RBFOX1: variants seen among roughly 807,000 people sequenced by gnomAD.
RBFOX1 encodes RNA binding fox-1 homolog 1.
A neutral mutation model predicts 57.7 loss-of-function variants in RBFOX1; 8 were observed. The observed-to-expected ratio is 0.14, with a 90% CI of 0.08 to 0.25. The LOEUF is 0.25. Among genes scored for constraint, RBFOX1 ranks in the 10% least tolerant of loss-of-function variants. The pLI, the probability that RBFOX1 is intolerant of heterozygous loss-of-function variation, is 1.00. For missense variants in RBFOX1, 611 were observed against 548.5 expected (o/e 1.11, Z -1.14); for synonymous variants, 326 against 222.4 (o/e 1.47, Z -4.15).
At chr16:7,537,370 G>T (rs1056780172) in intron 5 of RBFOX1, among the ~76,000 whole-genome samples, 2 of 152,188 alleles carry the variant, frequency 1.3e-5, no homozygotes, top group Admixed American at 1.3e-4. Context: ...TTAATTCTGA[G>T]AGTGACCATT....
intron 3 of RBFOX1, among the ~76,000 whole-genome samples, chr16:6,917,302 C>G (rs1348460914): frequency 6.6e-6 from 1 of 152,196 alleles, no homozygotes; most frequent in African/African-American, 2.4e-5. Context: ...AAACACTGAA[C>G]AGAGGATGTC....
intron 1 of RBFOX1, among the ~76,000 whole-genome samples, chr16:6,061,115 T>C (rs543279960): frequency 6.6e-6 from 1 of 152,290 alleles, no homozygotes; most frequent in East Asian, 1.9e-4. Context: ...TTTTCAGAAG[T>C]CACCCCTAGT....
chr16:7,264,871 T>C (rs564763192), intron 4 of RBFOX1, among the ~76,000 whole-genome samples: 10 of 152,324 alleles, frequency 6.6e-5, no homozygotes, highest in East Asian at 3.9e-4. Flanking sequence ...AATTGATACA[T>C]GACTATTTGA....
At chr16:6,138,592 C>G (rs2096686527) in intron 1 of RBFOX1, among the ~76,000 whole-genome samples, 1 of 152,102 alleles carries the variant, frequency 6.6e-6, no homozygotes, top group Non-Finnish European at 1.5e-5. Flanking sequence ...AATAGGAGCA[C>G]CATGGTGGCT....
intron 3 of RBFOX1, among the ~76,000 whole-genome samples, chr16:6,833,212 G>C (rs895116890): frequency 1.3e-5 from 2 of 151,202 alleles, no homozygotes; most frequent in African/African-American, 4.9e-5. Flanking sequence ...GTCACCCAGG[G>C]TGGAGTGCAG....
chr16:6,852,132 A>T (rs550370161), intron 3 of RBFOX1, among the ~76,000 whole-genome samples: 1 of 151,990 alleles, frequency 6.6e-6, no homozygotes, highest in Non-Finnish European at 1.5e-5. Flanking sequence ...TTATTATCTA[A>T]CAGTTTTGGT....
At chr16:6,773,585 TTGTGTG>T (rs113691022) in intron 3 of RBFOX1, among the ~76,000 whole-genome samples, 2 of 125,396 alleles carry the variant, frequency 1.6e-5, no homozygotes, top group Non-Finnish European at 3.2e-5. Flanking sequence ...TGGGGTGCAT[TTGTGTG>T]TGTGTGTGTG....
intron 4 of RBFOX1, among the ~76,000 whole-genome samples, chr16:7,224,127 T>TAAAA (rs1168449932): frequency 0.071 from 3,715 of 52,208 alleles, 661 homozygotes; most frequent in East Asian, 0.2. Context: ...TTCCTTTTTC[T>TAAAA]AAAAAAAAAA....
chr16:5,874,940 C>T (rs1161582070), intron 4 of RBFOX1, among the ~76,000 whole-genome samples: 2 of 151,930 alleles, frequency 1.3e-5, no homozygotes, highest in East Asian at 1.9e-4. Context: ...AGCAAGACCC[C>T]GTCCCCCATA....
intron 1 of RBFOX1, among the ~76,000 whole-genome samples, chr16:5,373,867 G>C (rs1426439075): frequency 2.6e-5 from 4 of 152,150 alleles, no homozygotes; most frequent in African/African-American, 9.7e-5. Flanking sequence ...GCCTCCCAAA[G>C]TGTTGGGATT....
intron 2 of RBFOX1, among the ~76,000 whole-genome samples, chr16:6,474,227 T>G (rs995063749): frequency 1.3e-5 from 2 of 152,310 alleles, no homozygotes; most frequent in South Asian, 2.1e-4. Flanking sequence ...ATTATCCAGA[T>G]TCTATTTCGA....
At chr16:6,965,158 C>G (rs2083842701) in intron 3 of RBFOX1, among the ~76,000 whole-genome samples, 1 of 152,048 alleles carries the variant, frequency 6.6e-6, no homozygotes, top group African/African-American at 2.4e-5. Flanking sequence ...AACTGTACTG[C>G]TGCAGATTGC....
intron 1 of RBFOX1, among the ~76,000 whole-genome samples, chr16:5,252,159 G>T (rs2062468852): frequency 6.6e-6 from 1 of 152,190 alleles, no homozygotes; most frequent in African/African-American, 2.4e-5. Flanking sequence ...AAGTGTGGAA[G>T]GGTGGGGACC....
At chr16:6,779,743 T>A (rs1360935630) in intron 3 of RBFOX1, among the ~76,000 whole-genome samples, 4 of 43,666 alleles carry the variant, frequency 9.2e-5, no homozygotes, top group African/African-American at 2.6e-4. Context: ...TTATATATTT[T>A]TATATATACT....
intron 3 of RBFOX1, among the ~76,000 whole-genome samples, chr16:6,841,392 G>T (rs2093453466): frequency 6.6e-6 from 1 of 152,106 alleles, no homozygotes; most frequent in African/African-American, 2.4e-5. Context: ...ACACTAAAGA[G>T]CCCAGAGTGT....
intron 4 of RBFOX1, among the ~76,000 whole-genome samples, chr16:7,285,601 C>A (rs529555201): frequency 6.6e-6 from 1 of 151,914 alleles, no homozygotes; most frequent in African/African-American, 2.4e-5. Flanking sequence ...TATTTATAAG[C>A]TTGGACATTT....
At position 7,302,742 on chromosome 16, in the gene RBFOX1, C is replaced by CT. The variant is rs765547396; in HGVS notation, c.28-215391dup. Reference sequence around the variant, plus strand: ...TTGCTGCCAAGAATGCAAGAATGTGCTTTTTTTTTTTTTTCCTGTCAGGAC... The same window carrying CT: ...TTGCTGCCAAGAATGCAAGAATGTGCTTTTTTTTTTTTTTTCCTGTCAGGAC... On this transcript the variant is annotated intron_variant, in intron 4 of 15. Coordinates refer to ENST00000550418, the MANE Select transcript of RBFOX1 (RefSeq NM_018723.4). Among the ~76,000 whole-genome samples, 771 of 88,022 alleles carry CT rather than the reference C, an allele frequency of 8.8e-3. 6 individuals are homozygous for CT. The highest frequency in any genetic ancestry group is 0.023 in the African/African-American group (675 of 29,846). The allele number at this position is 88,022 out of a possible 152,430, so 57.7% of individuals were successfully genotyped here.
At chr16:7,256,607 G>C (rs1423274724) in intron 4 of RBFOX1, among the ~76,000 whole-genome samples, 2 of 152,078 alleles carry the variant, frequency 1.3e-5, no homozygotes, top group Non-Finnish European at 2.9e-5. Flanking sequence ...GTGGCCTTCT[G>C]GATGGCCACA....
intron 1 of RBFOX1, among the ~76,000 whole-genome samples, chr16:5,310,076 TC>T: frequency 6.6e-6 from 1 of 152,180 alleles, no homozygotes; most frequent in Non-Finnish European, 1.5e-5. Flanking sequence ...GTTACCTCCT[TC>T]CCAGAATCTT....
Sources: gnomAD v4.1 joint callset for allele counts (sites outside exome capture counted in the v4.1 genomes callset) on GRCh38, gnomAD v4.1.1 for gene constraint, MANE v1.5 for transcripts, NCBI Gene and HGNC (gene_info 2026-07-23, HGNC 2026-07-21) for gene names.